Variants in CPA6 observed in about 807,000 individuals in gnomAD.
CPA6 encodes carboxypeptidase B.
Under a neutral mutation model 63.3 loss-of-function variants are expected in CPA6, and 58 were observed. That is an observed-to-expected ratio of 0.92 (90% CI 0.74 to 1.14). The LOEUF (loss-of-function observed/expected upper bound fraction) is 1.14, where lower values mean the gene tolerates loss of function less well. Among genes scored for constraint, CPA6 ranks in the 50% most tolerant of loss-of-function variants. The pLI, the probability that CPA6 is intolerant of heterozygous loss-of-function variation, is 0.00. For synonymous variants in CPA6, 185 were observed against 179.0 expected, an observed-to-expected ratio of 1.03 and a Z score of -0.27; for missense variants, 565 against 526.6, an observed-to-expected ratio of 1.07 and a Z score of -0.71.
intron 2 of CPA6, among the ~76,000 whole-genome samples, chr8:67,577,720 T>C (rs1410523547): frequency 6.6e-6 from 1 of 152,084 alleles, no homozygotes; most frequent in Non-Finnish European, 1.5e-5. Context: ...CGTAAGAGAG[T>C]AACTCACTCC....
At chr8:67,428,977 A>C (rs1043014579) in intron 9 of CPA6, among the ~76,000 whole-genome samples, 12 of 152,202 alleles carry the variant, frequency 7.9e-5, no homozygotes, top group African/African-American at 2.9e-4. Context: ...TTAAGTATAT[A>C]TTTCACTGGG....
intron 1 of CPA6, among the ~76,000 whole-genome samples, chr8:67,644,180 G>A (rs1815659972): frequency 6.6e-6 from 1 of 151,230 alleles, no homozygotes; most frequent in Admixed American, 6.6e-5. Flanking sequence ...GTGCAGTGGC[G>A]CCATTTCGGC....
intron 1 of CPA6, among the ~76,000 whole-genome samples, chr8:67,644,150 G>A (rs1278011463): frequency 2.7e-5 from 4 of 148,748 alleles, no homozygotes; most frequent in African/African-American, 5.0e-5. Flanking sequence ...ACAGAGTCTC[G>A]CTCTGTCGCC....
At chr8:67,721,263 A>T (rs771554315) in intron 1 of CPA6, among the ~76,000 whole-genome samples, 5 of 152,222 alleles carry the variant, frequency 3.3e-5, no homozygotes, top group Non-Finnish European at 7.3e-5. Context: ...AGAGGCTAAA[A>T]AGAAATACCA....
At chr8:67,524,258 A>G (rs554424560) in intron 2 of CPA6, among the ~76,000 whole-genome samples, 187 of 152,108 alleles carry the variant, frequency 1.2e-3, no homozygotes, top group Non-Finnish European at 2.2e-3. Context: ...ACAGTCCATA[A>G]CTTTTAATTA....
At chr8:67,743,598 A>G (rs987933165) in intron 1 of CPA6, among the ~76,000 whole-genome samples, 12 of 151,678 alleles carry the variant, frequency 7.9e-5, no homozygotes, top group African/African-American at 2.9e-4. Flanking sequence ...AATCATCCCT[A>G]TTTCTCCCCA....
chr8:67,428,194 T>C (rs1341763248), intron 9 of CPA6, 63 bp from the exon 10 acceptor site: 2 of 918,150 alleles, frequency 2.2e-6, no homozygotes, highest in Non-Finnish European at 3.6e-6. Flanking sequence ...TACACTGCTA[T>C]GTTGTTTGAG....
chr8:67,620,747 G>A (rs1210048764), intron 2 of CPA6, among the ~76,000 whole-genome samples: 5 of 152,068 alleles, frequency 3.3e-5, no homozygotes, highest in African/African-American at 7.2e-5. Flanking sequence ...GAAATTTATC[G>A]AAACTCAATA....
At chr8:67,461,903 CACAA>C (rs1032052364) in intron 8 of CPA6, among the ~76,000 whole-genome samples, 11 of 152,146 alleles carry the variant, frequency 7.2e-5, no homozygotes, top group Non-Finnish European at 1.0e-4. Context: ...GTTTTACTAA[CACAA>C]ACAAATTAAG....
chr8:67,507,000 T>C (rs2128964842), intron 5 of CPA6, 112 bp from the exon 6 acceptor site: 1 of 737,794 alleles, frequency 1.4e-6, no homozygotes, highest in Non-Finnish European at 2.4e-6. Flanking sequence ...CATTAGGTAA[T>C]GCATAAAAAG....
chr8:67,682,498 G>A (rs1263755593), intron 1 of CPA6, among the ~76,000 whole-genome samples: 1 of 152,082 alleles, frequency 6.6e-6, no homozygotes, highest in East Asian at 1.9e-4. Flanking sequence ...TCTATCATTG[G>A]TGGCATCTGT....
At chr8:67,694,478 G>A (rs1046375503) in intron 1 of CPA6, among the ~76,000 whole-genome samples, 2 of 152,146 alleles carry the variant, frequency 1.3e-5, no homozygotes, top group East Asian at 1.9e-4. Flanking sequence ...CCACCAAGCC[G>A]TAAAGTTTAG....
intron 1 of CPA6, among the ~76,000 whole-genome samples, chr8:67,638,136 C>T (rs1294458437): frequency 6.6e-6 from 1 of 151,256 alleles, no homozygotes; most frequent in East Asian, 1.9e-4. Flanking sequence ...GTTATCCTGA[C>T]TGAGGAGCAC....
intron 1 of CPA6, among the ~76,000 whole-genome samples, chr8:67,656,026 T>C (rs1289562873): frequency 6.6e-6 from 1 of 152,042 alleles, no homozygotes; most frequent in Non-Finnish European, 1.5e-5. Flanking sequence ...TTTTGGTGTG[T>C]GTTGTAATCT....
intron 1 of CPA6, among the ~76,000 whole-genome samples, chr8:67,680,584 A>C (rs1816571231): frequency 6.6e-6 from 1 of 152,080 alleles, no homozygotes; most frequent in Non-Finnish European, 1.5e-5. Context: ...CATCAAGGAG[A>C]TAGATCATTT....
chr8:67,686,059 G>A (rs1816702811), intron 1 of CPA6, among the ~76,000 whole-genome samples: 2 of 152,192 alleles, frequency 1.3e-5, no homozygotes, highest in African/African-American at 4.8e-5. Flanking sequence ...GGGCCTATGT[G>A]CCTAGAATAA....
At chr8:67,631,808 G>A (rs747292536) in intron 1 of CPA6, among the ~76,000 whole-genome samples, 1 of 152,152 alleles carries the variant, frequency 6.6e-6, no homozygotes, top group Non-Finnish European at 1.5e-5. Flanking sequence ...GCGAGATCAT[G>A]AACCCACCGG....
chr8:67,473,412 G>C (rs1811106621), intron 8 of CPA6, among the ~76,000 whole-genome samples: 1 of 152,140 alleles, frequency 6.6e-6, no homozygotes, highest in Non-Finnish European at 1.5e-5. Flanking sequence ...ATATGAAAAG[G>C]TAAGATAGTA....
At chr8:67,559,301 A>G (rs1343237212) in intron 2 of CPA6, among the ~76,000 whole-genome samples, 1 of 152,186 alleles carries the variant, frequency 6.6e-6, no homozygotes, top group Non-Finnish European at 1.5e-5. Context: ...CCAGGGATAG[A>G]TTAACCAGGT....
Sources: gnomAD v4.1 joint callset for allele counts (sites outside exome capture counted in the v4.1 genomes callset) on GRCh38, gnomAD v4.1.1 for gene constraint, MANE v1.5 for transcripts, NCBI Gene and HGNC (gene_info 2026-07-23, HGNC 2026-07-21) for gene names.